TTLL5: variants seen among roughly 807,000 people sequenced by gnomAD.
The protein encoded by TTLL5 is tubulin tyrosine ligase like 5.
Under a neutral mutation model 168.4 loss-of-function variants are expected in TTLL5, and 132 were observed. That is an observed-to-expected ratio of 0.78 (90% CI 0.68 to 0.91). The LOEUF (loss-of-function observed/expected upper bound fraction) is 0.91, where lower values mean the gene tolerates loss of function less well. Ranked by LOEUF, TTLL5 falls within the 40% of genes least tolerant of loss-of-function variation. The pLI, the probability that TTLL5 is intolerant of heterozygous loss-of-function variation, is 0.00. For missense variants in TTLL5, 1,545 were observed against 1,581.5 expected (o/e 0.98, Z 0.39); for synonymous variants, 546 against 558.6 (o/e 0.98, Z 0.32).
intron 15 of TTLL5, among the ~76,000 whole-genome samples, chr14:75,738,808 T>G (rs1340646632): frequency 6.6e-6 from 1 of 152,088 alleles, no homozygotes; most frequent in Non-Finnish European, 1.5e-5. Context: ...CTAATTTATT[T>G]TTACTTACTT....
chr14:75,852,403 T>G (rs1357316730), intron 28 of TTLL5, among the ~76,000 whole-genome samples: 1 of 152,220 alleles, frequency 6.6e-6, no homozygotes, highest in Non-Finnish European at 1.5e-5. Context: ...TTTAGAAGTT[T>G]TTAAGTCCTT....
intron 1 of TTLL5, among the ~76,000 whole-genome samples, chr14:75,662,184 C>T (rs984703448): frequency 6.6e-6 from 1 of 152,100 alleles, no homozygotes; most frequent in Admixed American, 6.5e-5. Flanking sequence ...CCTCCCCTCC[C>T]CCACCTATTT....
At chr14:75,900,855 CTG>C (rs1482169244) in intron 30 of TTLL5, among the ~76,000 whole-genome samples, 1 of 152,234 alleles carries the variant, frequency 6.6e-6, no homozygotes, top group Non-Finnish European at 1.5e-5. Context: ...TCTCATAACA[CTG>C]TGTGCTTTTT....
At chr14:75,922,163 A>G (rs2033850745) in intron 31 of TTLL5, among the ~76,000 whole-genome samples, 4 of 83,864 alleles carry the variant, frequency 4.8e-5, no homozygotes, top group Non-Finnish European at 9.2e-5. Context: ...TAAATATACA[A>G]TCATGTCATC....
intron 5 of TTLL5, among the ~76,000 whole-genome samples, chr14:75,688,568 G>A (rs536698153): frequency 1.3e-5 from 2 of 152,304 alleles, no homozygotes; most frequent in African/African-American, 2.4e-5. Flanking sequence ...TTATAGCCAG[G>A]TGGTTAGAAG....
At chr14:75,841,690 A>G (rs529673965) in intron 28 of TTLL5, among the ~76,000 whole-genome samples, 1 of 152,080 alleles carries the variant, frequency 6.6e-6, no homozygotes, top group Admixed American at 6.6e-5. Context: ...GGATCTACAT[A>G]TTTACTTTTT....
chr14:75,683,862 C>A (rs1884818918), intron 5 of TTLL5: 2 of 406,924 alleles, frequency 4.9e-6, no homozygotes, highest in African/African-American at 4.2e-5. Flanking sequence ...CAACCTCTGC[C>A]TCCTGAGTTC....
At chr14:75,931,320 C>T (rs969901867) in intron 31 of TTLL5, among the ~76,000 whole-genome samples, 4 of 152,160 alleles carry the variant, frequency 2.6e-5, no homozygotes, top group African/African-American at 9.7e-5. Flanking sequence ...CCTCTGGTCC[C>T]TCCTGTTCAC....
chr14:75,932,877 G>T (rs1452274555), intron 31 of TTLL5, among the ~76,000 whole-genome samples: 1 of 152,146 alleles, frequency 6.6e-6, no homozygotes, highest in Non-Finnish European at 1.5e-5. Flanking sequence ...CGTTGTTGGT[G>T]TTGTTTTTTG....
At chr14:75,861,052 T>G (rs1347041251) in intron 28 of TTLL5, among the ~76,000 whole-genome samples, 1 of 152,200 alleles carries the variant, frequency 6.6e-6, no homozygotes, top group Non-Finnish European at 1.5e-5. Flanking sequence ...TCTGATAACA[T>G]GCACACTGAG....
chr14:75,954,294 T>C, intron 31 of TTLL5, 130 bp from the exon 32 acceptor site: 2 of 766,810 alleles, frequency 2.6e-6, no homozygotes, highest in Non-Finnish European at 4.2e-6. Flanking sequence ...CACTTAGAGG[T>C]GAACTTCATT....
intron 27 of TTLL5, among the ~76,000 whole-genome samples, chr14:75,813,827 T>TA (rs34546490): frequency 0.48 from 67,364 of 139,682 alleles, 16,135 homozygotes; most frequent in African/African-American, 0.6. Context: ...TGGTTTCAAT[T>TA]AAAAAAAAAA....
chr14:75,759,417 A>G (rs1005235110), intron 18 of TTLL5, among the ~76,000 whole-genome samples: 7 of 152,140 alleles, frequency 4.6e-5, no homozygotes, highest in Non-Finnish European at 7.4e-5. Flanking sequence ...AGAAAACTCC[A>G]GGCTCACTGG....
intron 30 of TTLL5, among the ~76,000 whole-genome samples, chr14:75,898,044 T>C (rs2032751457): frequency 6.6e-6 from 1 of 152,236 alleles, no homozygotes. Context: ...TTTCTCACTG[T>C]CAAGCTCTTG....
At chr14:75,694,161 C>T (rs771837748) in intron 6 of TTLL5, among the ~76,000 whole-genome samples, 12 of 152,162 alleles carry the variant, frequency 7.9e-5, no homozygotes, top group Non-Finnish European at 1.6e-4. Flanking sequence ...ACTGCCCGGC[C>T]TTTGCCTCTG....
chr14:75,818,184 A>C (rs1223229295), intron 27 of TTLL5, among the ~76,000 whole-genome samples: 1 of 151,954 alleles, frequency 6.6e-6, no homozygotes, highest in Non-Finnish European at 1.5e-5. Flanking sequence ...GGTTTTAAAT[A>C]CATCTGTATT....
At chr14:75,672,277 C>A (rs190056800) in intron 3 of TTLL5, among the ~76,000 whole-genome samples, 1 of 152,082 alleles carries the variant, frequency 6.6e-6, no homozygotes. Flanking sequence ...GACGGAGTCT[C>A]GCTCTGTCAC....
chr14:75,863,914 A>AAAAAAAAAAAG, intron 29 of TTLL5, 52 bp downstream of exon 29: 1 of 1,142,506 alleles, frequency 8.8e-7, no homozygotes. Context: ...CTGTTGGTAA[A>AAAAAAAAAAAG]AAAAAAAAAA....
At chr14:75,886,780 A>C in intron 30 of TTLL5, 1 of 1,595,358 alleles carries the variant, frequency 6.3e-7, no homozygotes, top group Non-Finnish European at 8.5e-7. Context: ...GACAGCCTAC[A>C]AACAACTACA....
Sources: allele counts gnomAD v4.1 joint callset (sites outside exome capture counted in the v4.1 genomes callset), GRCh38; gene constraint gnomAD v4.1.1; transcripts MANE v1.5; gene names NCBI Gene and HGNC (gene_info 2026-07-23, HGNC 2026-07-21).